NBN: variants seen among roughly 807,000 people sequenced by gnomAD.
The protein encoded by NBN is Nijmegen breakage syndrome 1 (nibrin).
In NBN, 88 loss-of-function variants were observed where a neutral mutation model predicts 90.8. The ratio of observed to expected loss-of-function variants is 0.97; its 90% CI spans 0.82 to 1.16. The LOEUF is 1.16. Ranked by LOEUF, NBN falls within the 50% of genes most tolerant of loss-of-function variation. The pLI, the probability that NBN is intolerant of heterozygous loss-of-function variation, is 0.00. For missense variants in NBN, 894 were observed against 869.6 expected (o/e 1.03, Z -0.35); for synonymous variants, 328 against 295.1 (o/e 1.11, Z -1.14).
At chr8:89,946,746 A>G (rs1351937452) in intron 12 of NBN, 1 of 166,766 alleles carries the variant, frequency 6.0e-6, no homozygotes, top group Admixed American at 6.1e-5. Context: ...AAGAGTTTGT[A>G]TCTTTTATTA....
chr8:89,964,488 G>A lies in NBN; in HGVS notation c.916C>T (p.Pro306Ser), dbSNP rs1811151665. The stretch of plus-strand genomic sequence containing the variant: ...ACCGCCAATCCAATTTCTGCTTCAG[G>A]AATAGGTCTAAGACCTTGCCTATTA... ...MLQRQGLRPI[P>S]EAEIGLAVIF... The change falls in exon 8 of 16, where the codon CCT becomes TCT. Residue 306 changes from proline to serine, a missense_variant. Pro to Ser is a moderately conservative substitution (Grantham distance 74, BLOSUM62 -1). Transcript: ENST00000265433. 2 of 1,601,758 alleles carry A rather than the reference G, an allele frequency of 1.2e-6. No homozygotes were observed. Among genetic ancestry groups the A allele is most frequent in the Non-Finnish European group, 1.7e-6 (2 of 1,168,944 alleles).
chr8:89,984,023 T>A (rs1479541430), intron 1 of NBN, among the ~76,000 whole-genome samples: 1 of 152,196 alleles, frequency 6.6e-6, no homozygotes, highest in Non-Finnish European at 1.5e-5. Flanking sequence ...AAAAATCGAC[T>A]TTTCCCATTG....
intron 12 of NBN, 96 bp from the exon 13 acceptor site, chr8:89,946,391 C>T: frequency 1.9e-6 from 2 of 1,049,322 alleles, no homozygotes; most frequent in Non-Finnish European, 2.9e-6. Flanking sequence ...GTTCAAATAC[C>T]TGAAAAAATA....
At chr8:89,973,847 T>C (rs1345497561) in intron 5 of NBN, among the ~76,000 whole-genome samples, 1 of 152,132 alleles carries the variant, frequency 6.6e-6, no homozygotes, top group Non-Finnish European at 1.5e-5. Context: ...TAAAGTGATC[T>C]CCAATTTCTA....
At chr8:89,939,265 T>C (rs1320373143) in intron 14 of NBN, among the ~76,000 whole-genome samples, 1 of 151,610 alleles carries the variant, frequency 6.6e-6, no homozygotes, top group African/African-American at 2.4e-5. Context: ...AACAGGGAAA[T>C]GAGATGGCAG....
intron 9 of NBN, among the ~76,000 whole-genome samples, chr8:89,955,756 T>C (rs1810684907): frequency 6.6e-6 from 1 of 152,092 alleles, no homozygotes; most frequent in South Asian, 2.1e-4. Context: ...GATACCTTAC[T>C]CTTCTTCACC....
intron 14 of NBN, among the ~76,000 whole-genome samples, chr8:89,942,253 A>T (rs6470522): frequency 1.3e-5 from 2 of 152,076 alleles, no homozygotes; most frequent in African/African-American, 2.4e-5. Context: ...ATGATAAGCC[A>T]GCCTTCATTC....
At chr8:89,937,237 T>C (rs1809734466) in intron 14 of NBN, 162 bp from the exon 15 acceptor site, 10 of 650,454 alleles carry the variant, frequency 1.5e-5, no homozygotes, top group East Asian at 5.5e-5. Flanking sequence ...TGATCCTCTA[T>C]ATTTTCAATC....
At chr8:89,950,734 C>T (rs1810406878) in intron 11 of NBN, among the ~76,000 whole-genome samples, 1 of 124,878 alleles carries the variant, frequency 8.0e-6, no homozygotes. Flanking sequence ...ATAAACCTTA[C>T]ATATTAAATG....
At chr8:89,950,999 T>A (rs1458340194) in intron 11 of NBN, among the ~76,000 whole-genome samples, 4 of 151,974 alleles carry the variant, frequency 2.6e-5, no homozygotes, top group African/African-American at 9.7e-5. Flanking sequence ...AGCAGTAGAC[T>A]AATCTGGGAT....
chr8:89,976,073 C>G (rs1027372607), intron 5 of NBN, among the ~76,000 whole-genome samples: 1 of 152,122 alleles, frequency 6.6e-6, no homozygotes, highest in Non-Finnish European at 1.5e-5. Context: ...CTCACTGCAA[C>G]CTCCACTTCC....
rs185493105 is a variant in NBN, at chr8:89,981,393, A to G, written c.302T>C (p.Val101Ala). Residue 101 changes from valine to alanine, a missense_variant, in exon 3 of 16, where the codon GTG (valine) becomes GCG (alanine). By Grantham distance (64) the Val-to-Ala change is moderately conservative. Transcript: ENST00000265433. The part of the protein sequence containing the change: ...LKSGDGITFG[V>A]FGSKFRIEYE... ...GTCTTACCTGAATTTACTTCCAAAC[A>G]CTCCAAAAGTAATACCATCCCCCGA... 33 of 1,614,006 alleles carry G rather than the reference A, an allele frequency of 2.0e-5. No homozygotes were observed. Among genetic ancestry groups the G allele is most frequent in the Non-Finnish European group, 2.3e-5 (27 of 1,179,976 alleles).
chr8:89,950,555 T>C (rs1397611237), intron 11 of NBN, among the ~76,000 whole-genome samples: 1 of 152,154 alleles, frequency 6.6e-6, no homozygotes, highest in East Asian at 1.9e-4. Context: ...ATACCGCAAT[T>C]AAATTGCTAT....
chr8:89,965,051 T>G (rs1236364241), intron 7 of NBN, among the ~76,000 whole-genome samples: 1 of 151,660 alleles, frequency 6.6e-6, no homozygotes, highest in Non-Finnish European at 1.5e-5. Flanking sequence ...GAGGTGGAGG[T>G]TGCAGTAAGC....
chr8:89,935,441 GT>G lies in NBN; in HGVS notation c.*140del, dbSNP rs1478259182. ...TTACATACAAAAGAATCAAAGTTTTGTGCATTTTATTTAATAAATTTAGGCC... is the reference window on the plus strand; with the variant it reads ...TTACATACAAAAGAATCAAAGTTTTGGCATTTTATTTAATAAATTTAGGCC... On this transcript the variant is annotated 3_prime_UTR_variant, in exon 16 of 16. Coordinates refer to ENST00000265433, the MANE Select transcript of NBN (RefSeq NM_002485.5). 2.1e-6 allele frequency: 2 copies of G among 939,714 alleles called. No homozygotes were observed. The highest frequency in any genetic ancestry group is 3.2e-6 in the Non-Finnish European group (2 of 615,454). The allele number at this position is 939,714 out of a possible 1,614,324, so 58.2% of individuals were successfully genotyped here.
intron 4 of NBN, among the ~76,000 whole-genome samples, chr8:89,978,801 GTAAA>G (rs758151573): frequency 6.6e-6 from 1 of 151,962 alleles, no homozygotes; most frequent in Admixed American, 6.6e-5. Flanking sequence ...TTTTGAGAAA[GTAAA>G]TAAAATAATT....
intron 2 of NBN, 123 bp from the exon 3 acceptor site, chr8:89,981,646 T>A: frequency 1.0e-6 from 1 of 976,644 alleles, no homozygotes; most frequent in Non-Finnish European, 1.5e-6. Context: ...CAGACAACAA[T>A]TACTGCTTCG....
chr8:89,952,023 T>G (rs1810469036), intron 11 of NBN, among the ~76,000 whole-genome samples: 1 of 152,152 alleles, frequency 6.6e-6, no homozygotes, highest in Non-Finnish European at 1.5e-5. Context: ...TGGAAAGGCC[T>G]TTACCTGTCC....
intron 11 of NBN, among the ~76,000 whole-genome samples, chr8:89,951,239 G>A (rs991857989): frequency 6.6e-6 from 1 of 150,598 alleles, no homozygotes; most frequent in Non-Finnish European, 1.5e-5. Context: ...GTGAACCCGG[G>A]AGGCGGAGCT....
Sources: allele counts gnomAD v4.1 joint callset (sites outside exome capture counted in the v4.1 genomes callset), GRCh38; gene constraint gnomAD v4.1.1; transcripts MANE v1.5; gene names NCBI Gene and HGNC (gene_info 2026-07-23, HGNC 2026-07-21).